NRG3: variants seen among roughly 807,000 people sequenced by gnomAD.
NRG3 encodes the protein neuregulin 3.
Under a neutral mutation model 66.9 loss-of-function variants are expected in NRG3, and 31 were observed. That is an observed-to-expected ratio of 0.46 (90% CI 0.35 to 0.63). NRG3 has a LOEUF of 0.63. Ranked by LOEUF, NRG3 falls within the 20% of genes least tolerant of loss-of-function variation. The pLI is 0.00. For synonymous variants in NRG3, 393 were observed against 359.4 expected (o/e 1.09, Z -1.06); for missense variants, 910 against 878.9 (o/e 1.04, Z -0.45).
At chr10:82,985,024 G>C (rs1157869030) in intron 8 of NRG3, 74 bp from the exon 9 acceptor site, 2 of 1,543,606 alleles carry the variant, frequency 1.3e-6, no homozygotes, top group African/African-American at 2.7e-5. Context: ...TGTGAAAAGT[G>C]CTTTGTGGAT....
chr10:82,249,171 A>T (rs1467571321), intron 1 of NRG3, among the ~76,000 whole-genome samples: 1 of 152,096 alleles, frequency 6.6e-6, no homozygotes, highest in Non-Finnish European at 1.5e-5. Context: ...TTATTTATGT[A>T]CATGTTGTTA....
At chr10:82,036,131 A>G (rs2062781592) in intron 1 of NRG3, among the ~76,000 whole-genome samples, 1 of 152,042 alleles carries the variant, frequency 6.6e-6, no homozygotes, top group African/African-American at 2.4e-5. Context: ...GCTTGAAGAG[A>G]TCTGGGCCCA....
At chr10:82,760,821 A>G (rs1179911620) in intron 3 of NRG3, among the ~76,000 whole-genome samples, 4 of 151,972 alleles carry the variant, frequency 2.6e-5, no homozygotes, top group Admixed American at 6.6e-5. Flanking sequence ...AATCTATTAC[A>G]TTTTCTGATT....
At chr10:82,298,907 A>C (rs902918759) in intron 1 of NRG3, among the ~76,000 whole-genome samples, 1 of 152,108 alleles carries the variant, frequency 6.6e-6, no homozygotes, top group African/African-American at 2.4e-5. Flanking sequence ...GTTGTGGGAG[A>C]GGCCTTCTGT....
intron 2 of NRG3, among the ~76,000 whole-genome samples, chr10:82,392,803 A>G (rs1350588151): frequency 6.6e-6 from 1 of 152,118 alleles, no homozygotes; most frequent in African/African-American, 2.4e-5. Flanking sequence ...GCTGTGCTGA[A>G]TGGACTCCAC....
chr10:82,583,357 A>G (rs1263370750), intron 2 of NRG3, among the ~76,000 whole-genome samples: 3 of 152,228 alleles, frequency 2.0e-5, no homozygotes, highest in African/African-American at 7.2e-5. Flanking sequence ...AATGCCATAA[A>G]TAACTCACTT....
chr10:82,491,125 G>A (rs1436232286), intron 2 of NRG3, among the ~76,000 whole-genome samples: 3 of 151,248 alleles, frequency 2.0e-5, no homozygotes, highest in Non-Finnish European at 4.4e-5. Flanking sequence ...ATTTTGCACT[G>A]GTTGAGTTGC....
At chr10:82,767,873 TTCTCTC>T (rs61249173) in intron 3 of NRG3, among the ~76,000 whole-genome samples, 3 of 147,618 alleles carry the variant, frequency 2.0e-5, no homozygotes, top group South Asian at 2.1e-4. Flanking sequence ...ATTATCTCTG[TTCTCTC>T]TCTCTCTCTC....
At chr10:82,491,876 GCT>G (rs75530393) in intron 2 of NRG3, among the ~76,000 whole-genome samples, 80 of 152,244 alleles carry the variant, frequency 5.3e-4, no homozygotes, top group Non-Finnish European at 9.6e-4. Flanking sequence ...GCCTATCTGT[GCT>G]CTTTCTTTGG....
intron 1 of NRG3, among the ~76,000 whole-genome samples, chr10:82,133,763 CT>C (rs2069114736): frequency 6.6e-6 from 1 of 152,052 alleles, no homozygotes; most frequent in South Asian, 2.1e-4. Context: ...GTATATTTCT[CT>C]GGGTGGTATA....
chr10:82,246,090 T>C (rs1474273863), intron 1 of NRG3, among the ~76,000 whole-genome samples: 1 of 151,612 alleles, frequency 6.6e-6, no homozygotes, highest in Non-Finnish European at 1.5e-5. Context: ...GATCTTGTGA[T>C]AATAAATTTT....
At chr10:82,272,303 C>T (rs565404486) in intron 1 of NRG3, among the ~76,000 whole-genome samples, 74 of 151,990 alleles carry the variant, frequency 4.9e-4, no homozygotes, top group African/African-American at 1.7e-3. Context: ...AAAGAAGGGC[C>T]AGTTGGTAGC....
intron 1 of NRG3, among the ~76,000 whole-genome samples, chr10:81,913,111 A>G (rs537604183): frequency 2.0e-5 from 3 of 152,328 alleles, no homozygotes; most frequent in East Asian, 3.9e-4. Flanking sequence ...TACGTATAAA[A>G]CAATGAAGAG....
intron 1 of NRG3, among the ~76,000 whole-genome samples, chr10:82,138,732 C>G (rs2069548950): frequency 6.6e-6 from 1 of 152,054 alleles, no homozygotes. Context: ...GCCCAAGAGC[C>G]CCTGGGAAAC....
chr10:81,988,404 A>G (rs986879439), intron 1 of NRG3, among the ~76,000 whole-genome samples: 1 of 152,168 alleles, frequency 6.6e-6, no homozygotes, highest in African/African-American at 2.4e-5. Flanking sequence ...ATTTTCCCAG[A>G]TTAGAGGAAC....
At chr10:82,624,197 G>C (rs1403655382) in intron 2 of NRG3, among the ~76,000 whole-genome samples, 1 of 152,072 alleles carries the variant, frequency 6.6e-6, no homozygotes, top group African/African-American at 2.4e-5. Flanking sequence ...GTTAATATGT[G>C]TATTATTTCT....
At chr10:81,993,791 T>C (rs545153723) in intron 1 of NRG3, among the ~76,000 whole-genome samples, 75 of 152,338 alleles carry the variant, frequency 4.9e-4, no homozygotes, top group African/African-American at 1.3e-3. Flanking sequence ...TTTGTAGTAA[T>C]ATTTTTCTGT....
At chr10:82,433,092 C>T (rs576422454) in intron 2 of NRG3, among the ~76,000 whole-genome samples, 26 of 152,188 alleles carry the variant, frequency 1.7e-4, no homozygotes, top group East Asian at 3.9e-4. Context: ...AGTGTAAAAG[C>T]GTTCCTATTT....
chr10:82,345,268 A>T (rs2082936326), intron 1 of NRG3, among the ~76,000 whole-genome samples: 1 of 134,000 alleles, frequency 7.5e-6, no homozygotes, highest in African/African-American at 3.7e-5. Flanking sequence ...ATCCAGTTTC[A>T]GCTTTCTACA....
Sources: gnomAD v4.1 joint callset for allele counts (sites outside exome capture counted in the v4.1 genomes callset) on GRCh38, gnomAD v4.1.1 for gene constraint, MANE v1.5 for transcripts, NCBI Gene and HGNC (gene_info 2026-07-23, HGNC 2026-07-21) for gene names.